The following CACNA2D3 variants were observed in gnomAD, a reference collection of about 807,000 sequenced individuals.
CACNA2D3 encodes calcium voltage-gated channel auxiliary subunit alpha2delta 3.
In CACNA2D3, 60 loss-of-function variants were observed where a neutral mutation model predicts 160.6. The observed-to-expected ratio is 0.37, with a 90% CI of 0.30 to 0.46. CACNA2D3 has a LOEUF of 0.46. CACNA2D3 is among the 20% of genes least tolerant of loss of function. The pLI, the probability that CACNA2D3 is intolerant of heterozygous loss-of-function variation, is 1.00. For missense variants in CACNA2D3, 1,205 were observed against 1,365.0 expected, an observed-to-expected ratio of 0.88 and a Z score of 1.85; for synonymous variants, 558 against 492.9, an observed-to-expected ratio of 1.13 and a Z score of -1.75.
chr3:54,343,275 G>C (rs1025498809), intron 3 of CACNA2D3, among the ~76,000 whole-genome samples: 1 of 152,070 alleles, frequency 6.6e-6, no homozygotes, highest in African/African-American at 2.4e-5. Flanking sequence ...AGGAGGGCTG[G>C]AGAGTTGGAA....
At chr3:54,291,280 A>G (rs1039201465) in intron 2 of CACNA2D3, among the ~76,000 whole-genome samples, 8 of 152,236 alleles carry the variant, frequency 5.3e-5, no homozygotes, top group African/African-American at 1.9e-4. Flanking sequence ...CACCACACAA[A>G]TTTAAAAAGC....
chr3:54,335,854 A>G (rs1433083511), intron 3 of CACNA2D3, among the ~76,000 whole-genome samples: 1 of 149,994 alleles, frequency 6.7e-6, no homozygotes, highest in Non-Finnish European at 1.5e-5. Flanking sequence ...ATAACAAAAA[A>G]TTAACCAGCT....
chr3:54,626,189 G>A (rs1559530765), intron 9 of CACNA2D3: 4 of 745,518 alleles, frequency 5.4e-6, no homozygotes, highest in South Asian at 1.5e-5. Context: ...GCGGACCAGA[G>A]AGCTCTTTTC....
At chr3:54,160,517 AT>A (rs1700326041) in intron 2 of CACNA2D3, among the ~76,000 whole-genome samples, 3 of 152,182 alleles carry the variant, frequency 2.0e-5, no homozygotes, top group Admixed American at 1.3e-4. Context: ...ATAAAATAAA[AT>A]AAAATAAAGG....
At chr3:54,430,570 C>G (rs918343446) in intron 4 of CACNA2D3, among the ~76,000 whole-genome samples, 1 of 152,140 alleles carries the variant, frequency 6.6e-6, no homozygotes, top group Non-Finnish European at 1.5e-5. Context: ...TAATCCTGGA[C>G]GTGATTTGGT....
At chr3:54,127,149 G>A (rs1285776227) in intron 2 of CACNA2D3, among the ~76,000 whole-genome samples, 1 of 152,164 alleles carries the variant, frequency 6.6e-6, no homozygotes. Flanking sequence ...ATGTTCACGG[G>A]AATGAAGGGT....
intron 2 of CACNA2D3, among the ~76,000 whole-genome samples, chr3:54,179,911 G>A (rs1055877662): frequency 3.2e-4 from 49 of 152,214 alleles, no homozygotes; most frequent in African/African-American, 1.0e-3. Context: ...TGTTATGGCA[G>A]CAGAAACTAA....
In CACNA2D3 at chr3:55,004,732, A is replaced by G. The variant is rs1220769468; in HGVS notation, c.2691-31A>G. 7 of 1,484,844 alleles carry G rather than the reference A, an allele frequency of 4.7e-6. No individual in the cohort carries two copies. In the Admixed American group the frequency reaches 6.7e-5, roughly 14 times the overall value. 92.0% of individuals were successfully genotyped at this position (1,484,844 alleles called of 1,614,324 possible). Reference sequence around the variant, plus strand: ...AATTGGTTCCCGTGTTTTCTCATTTAGTGAAGCTCCCTTCCATTTCTTTCC... The same window carrying G: ...AATTGGTTCCCGTGTTTTCTCATTTGGTGAAGCTCCCTTCCATTTCTTTCC... On this transcript the variant is annotated intron_variant, in intron 31 of 37. Transcript: ENST00000474759.
intron 2 of CACNA2D3, among the ~76,000 whole-genome samples, chr3:54,245,696 G>A (rs1365883454): frequency 2.0e-5 from 3 of 152,150 alleles, no homozygotes; most frequent in Non-Finnish European, 4.4e-5. Context: ...CTTTGGGAAG[G>A]TCACACGATC....
intron 13 of CACNA2D3, among the ~76,000 whole-genome samples, chr3:54,768,469 A>T (rs188227020): frequency 2.3e-4 from 35 of 152,314 alleles, no homozygotes; most frequent in Admixed American, 2.2e-3. Context: ...TAGATTTGCT[A>T]ATTACATACA....
At chr3:54,946,425 A>G (rs1237428428) in intron 27 of CACNA2D3, among the ~76,000 whole-genome samples, 1 of 152,246 alleles carries the variant, frequency 6.6e-6, no homozygotes, top group Non-Finnish European at 1.5e-5. Context: ...TCCCCAGCAC[A>G]GAGATCCTCA....
intron 31 of CACNA2D3, among the ~76,000 whole-genome samples, chr3:55,000,860 G>A (rs564395398): frequency 2.6e-5 from 4 of 152,212 alleles, no homozygotes; most frequent in Admixed American, 2.0e-4. Context: ...ACCCTGGGCT[G>A]GGGAACAGGT....
intron 11 of CACNA2D3, among the ~76,000 whole-genome samples, chr3:54,678,874 A>G (rs1288563200): frequency 2.0e-5 from 3 of 152,206 alleles, no homozygotes; most frequent in African/African-American, 7.2e-5. Flanking sequence ...TGATTAGGCA[A>G]GTGTAGCAGT....
chr3:54,775,331 A>G (rs535288915), intron 13 of CACNA2D3, among the ~76,000 whole-genome samples: 3 of 152,196 alleles, frequency 2.0e-5, no homozygotes, highest in South Asian at 2.1e-4. Context: ...CTGTTAAGCT[A>G]TGGAGCCCTT....
intron 35 of CACNA2D3, among the ~76,000 whole-genome samples, chr3:55,058,619 A>G (rs1160247088): frequency 6.6e-6 from 1 of 152,026 alleles, no homozygotes; most frequent in Non-Finnish European, 1.5e-5. Flanking sequence ...AAAAATACAT[A>G]TATATATATG....
intron 3 of CACNA2D3, among the ~76,000 whole-genome samples, chr3:54,363,768 G>A (rs1465611907): frequency 6.6e-6 from 1 of 152,198 alleles, no homozygotes; most frequent in Admixed American, 6.5e-5. Context: ...ATGACAATGA[G>A]GATTGGATGG....
At chr3:54,546,290 C>G (rs1339400487) in intron 5 of CACNA2D3, among the ~76,000 whole-genome samples, 1 of 152,134 alleles carries the variant, frequency 6.6e-6, no homozygotes, top group East Asian at 1.9e-4. Flanking sequence ...ACCATTTTTA[C>G]CCCTCATTTT....
chr3:54,839,659 G>A (rs1444832346), intron 16 of CACNA2D3, among the ~76,000 whole-genome samples: 4 of 152,142 alleles, frequency 2.6e-5, no homozygotes, highest in African/African-American at 9.7e-5. Context: ...GGCTGCCAGG[G>A]GCTTCTTTCT....
At chr3:54,661,838 A>ATGTGTGTGTGTGTGTGTGTG (rs780111250) in intron 11 of CACNA2D3, among the ~76,000 whole-genome samples, 1 of 146,724 alleles carries the variant, frequency 6.8e-6, no homozygotes, top group Non-Finnish European at 1.5e-5. Flanking sequence ...CATCTCAGGG[A>ATGTGTGTGTGTGTGTGTGTG]TGTGTGTATG....
Sources: gnomAD v4.1 joint callset for allele counts (sites outside exome capture counted in the v4.1 genomes callset) on GRCh38, gnomAD v4.1.1 for gene constraint, MANE v1.5 for transcripts, NCBI Gene and HGNC (gene_info 2026-07-23, HGNC 2026-07-21) for gene names.